CEP112: variants seen among roughly 807,000 people sequenced by gnomAD.
CEP112 encodes the protein centrosomal protein of 112 kDa.
Under a neutral mutation model 153.0 loss-of-function variants are expected in CEP112, and 127 were observed. The observed-to-expected ratio is 0.83, with a 90% CI of 0.72 to 0.96. The LOEUF (loss-of-function observed/expected upper bound fraction) is 0.96. Ranked by LOEUF, CEP112 falls within the 40% of genes least tolerant of loss-of-function variation. The pLI, the probability that CEP112 is intolerant of heterozygous loss-of-function variation, is 0.00. For missense variants in CEP112, 1,089 were observed against 1,101.2 expected, an observed-to-expected ratio of 0.99 and a Z score of 0.16; for synonymous variants, 358 against 374.4, an observed-to-expected ratio of 0.96 and a Z score of 0.51.
chr17:65,698,154 T>C (rs2048448385), intron 23 of CEP112, among the ~76,000 whole-genome samples: 1 of 152,188 alleles, frequency 6.6e-6, no homozygotes, highest in African/African-American at 2.4e-5. Flanking sequence ...TTTTACCCAA[T>C]ACATATGTTA....
Position 65,812,485 on chromosome 17 carries a change from C to T in CEP112, c.2394+39319G>A, listed in dbSNP as rs559679546. Among the ~76,000 whole-genome samples the T allele has an allele frequency of 1.6e-4, 25 of 152,186 alleles. No homozygotes were observed. The South Asian group carries it at 4.8e-3, about 29-fold the overall frequency. On this transcript the variant is annotated intron_variant, in intron 21 of 26. Coordinates refer to ENST00000535342, the MANE Select transcript of CEP112 (RefSeq NM_001199165.4). ...TGCTCCAAAACGACCCTAAGAGCTC[C>T]AAGAAAATTTTTCCACATTCATCAA...
At chr17:65,856,564 T>G (rs985059237) in intron 20 of CEP112, among the ~76,000 whole-genome samples, 1 of 152,196 alleles carries the variant, frequency 6.6e-6, no homozygotes, top group Non-Finnish European at 1.5e-5. Context: ...CCAAAAGCCA[T>G]AAGTCCATAA....
rs758203605 is a variant in CEP112 at position 66,053,867 on chromosome 17, C to T, written c.1087G>A (p.Val363Ile). 45 of 1,611,918 alleles carry T rather than the reference C, an allele frequency of 2.8e-5. No individual in the cohort carries two copies. In the East Asian group the frequency reaches 1.0e-3, roughly 36 times the overall value. Residue 363 changes from valine (V) to isoleucine (I), a missense_variant, in exon 12 of 27, where the codon GTA becomes ATA. Val to Ile is a conservative substitution (Grantham distance 29). Transcript: ENST00000535342. ...NDWEKKLHNA[V>I]AEMEQEKFDL... ...AACTTTTCCTGTTCCATTTCTGCTA[C>T]AGCATTGTGAAGCTACATCAGGAAA...
intron 23 of CEP112, among the ~76,000 whole-genome samples, chr17:65,711,854 C>G (rs180744299): frequency 5.9e-5 from 9 of 152,336 alleles, no homozygotes; most frequent in Non-Finnish European, 1.3e-4. Flanking sequence ...TCAGGTACCA[C>G]GTCCGTTACC....
At chr17:66,060,413 T>G (rs973488831) in intron 11 of CEP112, among the ~76,000 whole-genome samples, 3 of 152,136 alleles carry the variant, frequency 2.0e-5, no homozygotes, top group Admixed American at 6.5e-5. Flanking sequence ...ATCCTAAAAT[T>G]TGCATGTAAC....
chr17:65,928,668 G>C (rs1044008692), intron 18 of CEP112, among the ~76,000 whole-genome samples: 16 of 152,104 alleles, frequency 1.1e-4, no homozygotes, highest in African/African-American at 3.9e-4. Flanking sequence ...TCGGAGACCA[G>C]TGTAGGCAAC....
chr17:65,773,115 C>T (rs897809378), intron 21 of CEP112, among the ~76,000 whole-genome samples: 2 of 152,050 alleles, frequency 1.3e-5, no homozygotes, highest in Admixed American at 6.5e-5. Flanking sequence ...GGGATGAAAA[C>T]GAATCAAGTG....
chr17:65,931,922 TG>T (rs1212504148), intron 18 of CEP112, among the ~76,000 whole-genome samples: 7 of 152,202 alleles, frequency 4.6e-5, no homozygotes, highest in African/African-American at 1.4e-4. Flanking sequence ...TCTGAGTGGC[TG>T]GCTGAGCAGC....
At chr17:66,141,074 T>C (rs1418465317) in intron 4 of CEP112, among the ~76,000 whole-genome samples, 4 of 152,182 alleles carry the variant, frequency 2.6e-5, no homozygotes, top group African/African-American at 9.6e-5. Context: ...ATTGGGGATT[T>C]TGAATCTATA....
chr17:66,042,452 G>C (rs539195966), intron 12 of CEP112, among the ~76,000 whole-genome samples: 1 of 152,134 alleles, frequency 6.6e-6, no homozygotes, highest in South Asian at 2.1e-4. Flanking sequence ...CACAACCCCA[G>C]TCTAATCATG....
intron 24 of CEP112, among the ~76,000 whole-genome samples, chr17:65,657,765 T>C (rs2046133119): frequency 6.6e-6 from 1 of 152,176 alleles, no homozygotes; most frequent in South Asian, 2.1e-4. Context: ...ACCTATAGAA[T>C]AAGGCTGATA....
chr17:66,052,587 C>A (rs936353982), intron 12 of CEP112, among the ~76,000 whole-genome samples: 6 of 152,086 alleles, frequency 3.9e-5, no homozygotes, highest in Non-Finnish European at 7.4e-5. Context: ...TGCTGTGTAG[C>A]CTGACTGTGG....
At chr17:65,819,203 T>G (rs866439564) in intron 21 of CEP112, among the ~76,000 whole-genome samples, 77 of 152,116 alleles carry the variant, frequency 5.1e-4, no homozygotes, top group African/African-American at 1.7e-3. Flanking sequence ...GAGTGTGTTG[T>G]GTTTTCATGA....
At chr17:65,759,271 T>C (rs2052467342) in intron 21 of CEP112, among the ~76,000 whole-genome samples, 1 of 152,196 alleles carries the variant, frequency 6.6e-6, no homozygotes, top group Admixed American at 6.5e-5. Context: ...TAGGGGCTGC[T>C]CTGTCTATGG....
chr17:65,747,374 G>A (rs970618854), intron 22 of CEP112, among the ~76,000 whole-genome samples: 1 of 152,170 alleles, frequency 6.6e-6, no homozygotes, highest in Admixed American at 6.5e-5. Flanking sequence ...GGTAGTGTGG[G>A]ACAGTGGTAG....
intron 20 of CEP112, among the ~76,000 whole-genome samples, chr17:65,901,648 C>A (rs958677184): frequency 1.3e-5 from 2 of 152,028 alleles, no homozygotes. Flanking sequence ...TGGGAAATAG[C>A]CCTTCTCTGG....
chr17:65,971,656 A>C (rs1009048044), intron 17 of CEP112, among the ~76,000 whole-genome samples: 2 of 122,284 alleles, frequency 1.6e-5, no homozygotes, highest in African/African-American at 5.3e-5. Flanking sequence ...CATGCATGTC[A>C]CATGCATGTA....
intron 18 of CEP112, among the ~76,000 whole-genome samples, chr17:65,947,063 T>G (rs1210516656): frequency 3.3e-5 from 5 of 152,204 alleles, no homozygotes; most frequent in African/African-American, 1.2e-4. Context: ...CTTGTATATT[T>G]ATTTATATTT....
At chr17:65,691,120 G>T (rs749553486) in intron 23 of CEP112, among the ~76,000 whole-genome samples, 3 of 152,144 alleles carry the variant, frequency 2.0e-5, no homozygotes, top group Non-Finnish European at 4.4e-5. Context: ...ATTCTGGCCT[G>T]AGGAGCTAAG....
Sources: gnomAD v4.1 joint callset for allele counts (sites outside exome capture counted in the v4.1 genomes callset) on GRCh38, gnomAD v4.1.1 for gene constraint, MANE v1.5 for transcripts, NCBI Gene and HGNC (gene_info 2026-07-23, HGNC 2026-07-21) for gene names.